The following GHR variants were observed in gnomAD, a reference collection of about 807,000 sequenced individuals.
GHR encodes GH receptor.
GHR carries 35 observed loss-of-function variants against 67.1 expected under a neutral mutation model. The observed-to-expected ratio is 0.52, with a 90% CI of 0.40 to 0.69. GHR has a LOEUF of 0.69. GHR is among the 30% of genes least tolerant of loss of function. The pLI is 0.00. For missense variants in GHR, 792 were observed against 764.6 expected, an observed-to-expected ratio of 1.04 and a Z score of -0.42; for synonymous variants, 272 against 269.1, an observed-to-expected ratio of 1.01 and a Z score of -0.10.
chr5:42,462,075 G>A (rs1323451406), intron 1 of GHR, among the ~76,000 whole-genome samples: 2 of 152,162 alleles, frequency 1.3e-5, no homozygotes, highest in African/African-American at 4.8e-5. Flanking sequence ...AACTATTCCA[G>A]GACAGGTTTC....
At chr5:42,665,279 C>T (rs1195425978) in intron 3 of GHR, among the ~76,000 whole-genome samples, 11 of 152,160 alleles carry the variant, frequency 7.2e-5, no homozygotes, top group Admixed American at 5.9e-4. Flanking sequence ...AATCATGCTG[C>T]TATAAAGACA....
intron 1 of GHR, among the ~76,000 whole-genome samples, chr5:42,531,043 G>T (rs555497484): frequency 6.6e-6 from 1 of 152,256 alleles, no homozygotes; most frequent in African/African-American, 2.4e-5. Flanking sequence ...CAAGGTGGGT[G>T]GATCACCTGA....
intron 2 of GHR, among the ~76,000 whole-genome samples, chr5:42,567,173 G>T (rs1350828855): frequency 6.6e-6 from 1 of 152,164 alleles, no homozygotes; most frequent in Non-Finnish European, 1.5e-5. Context: ...CAAAGTCATG[G>T]TGGCTTAATC....
At chr5:42,639,635 G>A (rs564208614) in intron 3 of GHR, among the ~76,000 whole-genome samples, 3 of 152,188 alleles carry the variant, frequency 2.0e-5, no homozygotes, top group Non-Finnish European at 2.9e-5. Context: ...CTCTGCCAGG[G>A]TTATCCTCAG....
At position 42,711,289 on chromosome 5, in the gene GHR, A is replaced by T. The variant is rs1280217300; in HGVS notation, c.701A>T (p.Gln234Leu). 56 of 1,613,170 alleles carry T rather than the reference A, an allele frequency of 3.5e-5. No homozygotes were observed. Among genetic ancestry groups the T allele is most frequent in the Non-Finnish European group, 4.6e-5 (54 of 1,179,148 alleles). ...KEYEVRVRSK[Q>L]RNSGNYGEFS... is the part of the protein sequence containing the mutation. ...TATGAAGTGCGTGTGAGATCCAAAC[A>T]ACGAAACTCTGGAAATTATGGCGAG... The change falls in exon 7 of 10, where the codon CAA becomes CTA. Residue 234 changes from glutamine to leucine, a missense_variant. By Grantham distance (113) the Gln-to-Leu change is moderately radical. Coordinates refer to ENST00000230882, the MANE Select transcript of GHR (RefSeq NM_000163.5).
chr5:42,515,393 T>C (rs1747193675), intron 1 of GHR, among the ~76,000 whole-genome samples: 2 of 152,238 alleles, frequency 1.3e-5, no homozygotes, highest in African/African-American at 4.8e-5. Flanking sequence ...AATTTACCAA[T>C]GGAATCTGCT....
At chr5:42,697,122 A>G (rs1757711143) in intron 5 of GHR, among the ~76,000 whole-genome samples, 1 of 152,230 alleles carries the variant, frequency 6.6e-6, no homozygotes, top group Non-Finnish European at 1.5e-5. Context: ...GTGAAAGAGA[A>G]CAAAGAACTA....
chr5:42,719,215 G>GA lies in GHR; in HGVS notation c.1711dup (p.Ser571LysfsTer19). The GA allele has an allele frequency of 6.2e-7, 1 of 1,614,084 alleles. No individual in the cohort carries two copies. Among genetic ancestry groups the GA allele is most frequent in the Non-Finnish European group, 8.5e-7 (1 of 1,179,986 alleles). On this transcript the variant is annotated frameshift_variant, in exon 10 of 10. Coordinates refer to ENST00000230882, the MANE Select transcript of GHR (RefSeq NM_000163.5). LOFTEE classifies it high-confidence loss of function. Reference sequence around the variant, plus strand: ...CCAAGAGGACATTTACATCACCACAGAAAGCCTTACCACTGCTGCTGGGAG... The same window carrying GA: ...CCAAGAGGACATTTACATCACCACAGAAAAGCCTTACCACTGCTGCTGGGAG...
chr5:42,478,591 G>A (rs551125224), intron 1 of GHR, among the ~76,000 whole-genome samples: 1 of 152,128 alleles, frequency 6.6e-6, no homozygotes. Context: ...CCTTGAAGAT[G>A]TCCTTCACAT....
At chr5:42,527,701 A>G (rs1029924149) in intron 1 of GHR, among the ~76,000 whole-genome samples, 2 of 152,196 alleles carry the variant, frequency 1.3e-5, no homozygotes, top group Non-Finnish European at 2.9e-5. Flanking sequence ...ATTGGACTAA[A>G]TGGATCTGAT....
chr5:42,711,436 A>G, intron 7 of GHR, 64 bp downstream of exon 7: 1 of 1,085,330 alleles, frequency 9.2e-7, no homozygotes, highest in South Asian at 1.2e-5. Flanking sequence ...CAGTTGATTC[A>G]CCCCTGCACT....
At chr5:42,658,004 A>G (rs1160586165) in intron 3 of GHR, among the ~76,000 whole-genome samples, 1 of 152,116 alleles carries the variant, frequency 6.6e-6, no homozygotes, top group African/African-American at 2.4e-5. Flanking sequence ...TTAGTTTCTC[A>G]TTTTTTATGA....
intron 3 of GHR, among the ~76,000 whole-genome samples, chr5:42,675,192 C>T (rs1187819734): frequency 6.6e-6 from 1 of 152,176 alleles, no homozygotes; most frequent in African/African-American, 2.4e-5. Context: ...GAAATCATAG[C>T]AATTCTATTT....
At chr5:42,597,489 G>GT (rs1226945387) in intron 2 of GHR, among the ~76,000 whole-genome samples, 1 of 152,154 alleles carries the variant, frequency 6.6e-6, no homozygotes, top group Non-Finnish European at 1.5e-5. Flanking sequence ...CAGCCTAGAA[G>GT]TACTTCTAGG....
At chr5:42,706,568 A>G (rs1251137060) in intron 6 of GHR, among the ~76,000 whole-genome samples, 1 of 152,174 alleles carries the variant, frequency 6.6e-6, no homozygotes, top group Non-Finnish European at 1.5e-5. Flanking sequence ...ATAGTCGTAC[A>G]TGTTGAAAGG....
chr5:42,451,468 G>A (rs184302983), intron 1 of GHR, among the ~76,000 whole-genome samples: 17 of 151,410 alleles, frequency 1.1e-4, no homozygotes, highest in East Asian at 7.8e-4. Flanking sequence ...TAGACTGGCC[G>A]CAGTGGCTCA....
At chr5:42,453,876 C>A (rs1227519014) in intron 1 of GHR, among the ~76,000 whole-genome samples, 3 of 152,182 alleles carry the variant, frequency 2.0e-5, no homozygotes, top group Non-Finnish European at 4.4e-5. Context: ...GGTATAGGTG[C>A]AGACTTTCCC....
chr5:42,604,912 A>T (rs1400409524), intron 2 of GHR, among the ~76,000 whole-genome samples: 1 of 151,936 alleles, frequency 6.6e-6, no homozygotes, highest in Admixed American at 6.5e-5. Flanking sequence ...GGGTCAGTTT[A>T]TAGAGGATTT....
At position 42,690,985 on chromosome 5, in the gene GHR, A is replaced by T. The variant is rs942417499; in HGVS notation, c.266+1966A>T. Among the ~76,000 whole-genome samples the T allele has an allele frequency of 2.6e-5, 4 of 152,302 alleles. No homozygotes were observed. In the East Asian group the frequency reaches 7.7e-4, roughly 29 times the overall value. On this transcript the variant is annotated intron_variant, in intron 4 of 9. Transcript: ENST00000230882. ...GAAAATAATTTTTTGCTACCTCAAT[A>T]TTTACCAAATTTGATGAGCAAAAAG... is the stretch of plus-strand genomic sequence containing the variant.
Sources: allele counts gnomAD v4.1 joint callset (sites outside exome capture counted in the v4.1 genomes callset), GRCh38; gene constraint gnomAD v4.1.1; transcripts MANE v1.5; gene names NCBI Gene and HGNC (gene_info 2026-07-23, HGNC 2026-07-21).